GSDMC: variants seen among roughly 807,000 people sequenced by gnomAD.
GSDMC encodes the protein gasdermin-C.
GSDMC carries 59 observed loss-of-function variants against 58.0 expected under a neutral mutation model. The ratio of observed to expected loss-of-function variants is 1.02; its 90% CI spans 0.82 to 1.26. The LOEUF is 1.26. Ranked by LOEUF, GSDMC falls within the 50% of genes most tolerant of loss-of-function variation. The pLI, the probability that GSDMC is intolerant of heterozygous loss-of-function variation, is 0.00. For missense variants in GSDMC, 659 were observed against 598.5 expected (o/e 1.10, Z -1.06); for synonymous variants, 241 against 220.2 (o/e 1.09, Z -0.83).
At chr8:129,784,280 GA>G (rs2034495392) in intron 1 of GSDMC, among the ~76,000 whole-genome samples, 1 of 151,682 alleles carries the variant, frequency 6.6e-6, no homozygotes, top group South Asian at 2.1e-4. Flanking sequence ...TCCAGCAAAG[GA>G]AAAGATCAAC....
intron 4 of GSDMC, 108 bp from the exon 5 acceptor site, chr8:129,762,839 T>C (rs1409130213): frequency 1.4e-6 from 1 of 689,834 alleles, no homozygotes; most frequent in Non-Finnish European, 2.6e-6. Flanking sequence ...GCTCTCATCC[T>C]CCCTACTGCT....
the GSDMC span, among the ~76,000 whole-genome samples, chr8:129,721,684 T>A: frequency 6.6e-6 from 1 of 152,104 alleles, no homozygotes; most frequent in South Asian, 2.1e-4. Context: ...CAAATATCAC[T>A]CTCCATATTA....
the GSDMC span, among the ~76,000 whole-genome samples, chr8:129,723,737 G>A: frequency 0.045 from 6,779 of 152,242 alleles, 269 homozygotes; most frequent in East Asian, 0.19. Flanking sequence ...CTTGAATCAA[G>A]GGCAGTTGCA....
In GSDMC at chr8:129,751,537, C is replaced by A; in HGVS notation, c.943+5G>T. The A allele has an allele frequency of 1.2e-6, 2 of 1,610,688 alleles. No individual in the cohort carries two copies. Among genetic ancestry groups the A allele is most frequent in the Non-Finnish European group, 1.7e-6 (2 of 1,177,654 alleles). ...GCCCCAGGTTCCCCCTTAATAAATACTTACTTTGCCAGAAGGGTTCCTCTA... is the reference window on the plus strand; with the variant it reads ...GCCCCAGGTTCCCCCTTAATAAATAATTACTTTGCCAGAAGGGTTCCTCTA... On this transcript the variant is annotated splice_donor_5th_base_variant and intron_variant, in intron 10 of 13. Coordinates refer to ENST00000276708, the MANE Select transcript of GSDMC (RefSeq NM_031415.3).
intron 3 of GSDMC, among the ~76,000 whole-genome samples, chr8:129,771,131 T>C (rs2034034879): frequency 6.6e-6 from 1 of 151,428 alleles, no homozygotes; most frequent in Non-Finnish European, 1.5e-5. Context: ...GATACTACTA[T>C]AAATATGCAC....
chr8:129,760,462 C>A, intron 6 of GSDMC, 83 bp downstream of exon 6: 2 of 746,794 alleles, frequency 2.7e-6, no homozygotes, highest in East Asian at 2.5e-5. Flanking sequence ...TGTATCAAAA[C>A]ATCTCATGTA....
the GSDMC span, chr8:129,730,065 A>G: frequency 2.7e-6 from 3 of 1,117,092 alleles, no homozygotes; most frequent in Non-Finnish European, 3.8e-6. Flanking sequence ...ATAAGTAAAG[A>G]AGATTTTTCT....
intron 1 of GSDMC, 100 bp downstream of exon 1, chr8:129,785,911 A>G (rs1468783159): frequency 6.6e-6 from 1 of 152,246 alleles, no homozygotes; most frequent in East Asian, 1.9e-4. Flanking sequence ...TCTGTAGGAA[A>G]AAAAACTCTT....
intron 7 of GSDMC, 123 bp downstream of exon 7, chr8:129,752,575 C>A: frequency 2.1e-6 from 3 of 1,398,310 alleles, no homozygotes; most frequent in Non-Finnish European, 1.9e-6. Flanking sequence ...GGAGGATGAG[C>A]AAGATGGTGC....
At chr8:129,709,519 G>C in the GSDMC span, among the ~76,000 whole-genome samples, 1 of 150,418 alleles carries the variant, frequency 6.6e-6, no homozygotes, top group Non-Finnish European at 1.5e-5. Context: ...GATGATAGAT[G>C]ATAGGCAGAT....
chr8:129,730,206 G>C, the GSDMC span: 2 of 1,235,726 alleles, frequency 1.6e-6, no homozygotes, highest in Non-Finnish European at 2.2e-6. Flanking sequence ...GTATCTAGAA[G>C]AAGAAATGAA....
rs762998683 is a variant in GSDMC, at chr8:129,752,092, C to T, written c.886+14G>A. On this transcript the variant is annotated intron_variant, in intron 8 of 13. Transcript: ENST00000276708. ...GCAGATTGTCCTGGAAGGGGAGGGC[C>T]AGATTCCACTCACTTGGCAAATGCC... 6.2e-7 allele frequency: 1 copy of T among 1,609,300 alleles called. No individual in the cohort carries two copies. Among genetic ancestry groups the T allele is most frequent in the Non-Finnish European group, 8.5e-7 (1 of 1,175,628 alleles).
the GSDMC span, chr8:129,730,082 A>C: frequency 9.5e-7 from 1 of 1,048,984 alleles, no homozygotes. Context: ...TTCTATTAAA[A>C]CTTTTTAATT....
the GSDMC span, among the ~76,000 whole-genome samples, chr8:129,710,345 C>T: frequency 6.6e-6 from 1 of 152,114 alleles, no homozygotes; most frequent in Non-Finnish European, 1.5e-5. Context: ...GTAGACCTGC[C>T]GGCATAAAGG....
chr8:129,738,837 C>A, the GSDMC span, among the ~76,000 whole-genome samples: 1 of 151,866 alleles, frequency 6.6e-6, no homozygotes, highest in Non-Finnish European at 1.5e-5. Flanking sequence ...ACTTCTAAAG[C>A]AATCTAGGAA....
At chr8:129,711,904 A>C in the GSDMC span, among the ~76,000 whole-genome samples, 1 of 152,190 alleles carries the variant, frequency 6.6e-6, no homozygotes, top group African/African-American at 2.4e-5. Context: ...TGGGATTTCG[A>C]TCCAGGTAGT....
At chr8:129,758,856 A>G (rs576818522) in intron 6 of GSDMC, among the ~76,000 whole-genome samples, 3 of 152,304 alleles carry the variant, frequency 2.0e-5, no homozygotes, top group Admixed American at 6.5e-5. Context: ...ACAGTAAGAA[A>G]AAAAAATTCT....
the GSDMC span, among the ~76,000 whole-genome samples, chr8:129,708,725 C>A: frequency 6.6e-6 from 1 of 152,240 alleles, no homozygotes; most frequent in Non-Finnish European, 1.5e-5. Context: ...CAAGCCTTGC[C>A]AGATAGAAAT....
the GSDMC span, among the ~76,000 whole-genome samples, chr8:129,709,579 AGATAGATAGAT>A: frequency 5.0e-4 from 73 of 147,266 alleles, no homozygotes; most frequent in African/African-American, 1.8e-3. Flanking sequence ...GATAGATGAT[AGATAGATAGAT>A]GATAGATAGA....
Sources: allele counts gnomAD v4.1 joint callset (sites outside exome capture counted in the v4.1 genomes callset), GRCh38; gene constraint gnomAD v4.1.1; transcripts MANE v1.5; gene names NCBI Gene and HGNC (gene_info 2026-07-23, HGNC 2026-07-21).